Variants in KPNA5 observed in about 807,000 individuals in gnomAD.
The protein encoded by KPNA5 is karyopherin subunit alpha 5, also known as importin subunit alpha-6.
KPNA5 carries 46 observed loss-of-function variants against 71.3 expected under a neutral mutation model. The observed-to-expected ratio is 0.65, with a 90% CI of 0.51 to 0.83. KPNA5 has a LOEUF of 0.83. KPNA5 is among the 40% of genes least tolerant of loss of function. KPNA5 has a pLI of 0.00. For synonymous variants in KPNA5, 207 were observed against 201.4 expected, an observed-to-expected ratio of 1.03 and a Z score of -0.24; for missense variants, 547 against 628.3, an observed-to-expected ratio of 0.87 and a Z score of 1.38.
rs1419183000 is a variant in KPNA5 at position 116,740,938 on chromosome 6, T to C, written c.*8615T>C. Reference sequence around the variant, plus strand: ...GCAGCACACCAACATGGCACATGTATACATATGTAACTAACCTGCACATTG... The same window carrying C: ...GCAGCACACCAACATGGCACATGTACACATATGTAACTAACCTGCACATTG... On this transcript the variant is annotated 3_prime_UTR_variant, in exon 14 of 14. Transcript: ENST00000368564. 6.6e-6 allele frequency: 1 copy of C among 151,980 alleles called. No individual in the cohort carries two copies. Among genetic ancestry groups the C allele is most frequent in the African/African-American group, 2.4e-5 (1 of 41,346 alleles). 9.4% of individuals were successfully genotyped at this position (151,980 alleles called of 1,614,324 possible).
Position 116,729,641 on chromosome 6 carries a change from T to A in KPNA5, c.1332T>A (p.Ala444=), listed in dbSNP as rs1450259500. ...TVMDSKIVQV[A]LNGLENILRL... ...TGGACTCCAAAATAGTCCAAGTGGC[T>A]TTAAATGGACTTGAAAATATTTTAC... The change falls in exon 13 of 14, where the codon GCT becomes GCA. Residue 444 remains alanine, a synonymous_variant. Coordinates refer to ENST00000368564, the MANE Select transcript of KPNA5 (RefSeq NM_001366306.2). 1 of 1,611,158 alleles carries A rather than the reference T, an allele frequency of 6.2e-7. No homozygotes were observed. The highest frequency in any genetic ancestry group is 1.1e-5 in the South Asian group (1 of 90,706).
chr6:116,715,440 A>G (rs1239317851), intron 7 of KPNA5, among the ~76,000 whole-genome samples: 1 of 152,182 alleles, frequency 6.6e-6, no homozygotes, highest in Non-Finnish European at 1.5e-5. Context: ...AGGAGCTGAG[A>G]AGAAAAATTC....
intron 1 of KPNA5, among the ~76,000 whole-genome samples, chr6:116,681,802 C>G (rs1777369838): frequency 6.6e-6 from 1 of 152,176 alleles, no homozygotes; most frequent in Non-Finnish European, 1.5e-5. Context: ...CCCTCCTCCA[C>G]CTGCGTGCAG....
At position 116,736,213 on chromosome 6, in the gene KPNA5, T is replaced by C; in HGVS notation, c.*3890T>C. 1 of 151,858 alleles carries C rather than the reference T, an allele frequency of 6.6e-6. No individual in the cohort carries two copies. The highest frequency in any genetic ancestry group is 1.9e-4 in the East Asian group (1 of 5,188). 9.4% of individuals were successfully genotyped at this position (151,858 alleles called of 1,614,324 possible). Reference sequence around the variant, plus strand: ...CATAAAATGGGATATTACTCAGTAATAAAATGAAATATGGATATATGGTAC... The same window carrying C: ...CATAAAATGGGATATTACTCAGTAACAAAATGAAATATGGATATATGGTAC... On this transcript the variant is annotated 3_prime_UTR_variant, in exon 14 of 14. Transcript: ENST00000368564.
In KPNA5 at chr6:116,724,903, G is replaced by A. The variant is rs550846500; in HGVS notation, c.999+528G>A. Among the ~76,000 whole-genome samples the A allele has an allele frequency of 4.2e-4, 64 of 152,286 alleles. 1 individual carries two copies. In the Middle Eastern group the frequency reaches 0.014, roughly 32 times the overall value. ...GCGTTAGACTTACAGGCATGAGCCA[G>A]TATGTCCAGCACAATCTTTCTTGAA... is the stretch of plus-strand genomic sequence containing the variant. On this transcript the variant is annotated intron_variant, in intron 10 of 13. Transcript: ENST00000368564.
At chr6:116,689,818 G>A (rs1043544103) in intron 2 of KPNA5, among the ~76,000 whole-genome samples, 14 of 152,156 alleles carry the variant, frequency 9.2e-5, no homozygotes, top group Admixed American at 5.2e-4. Flanking sequence ...ATTCTTGCCC[G>A]TAAGTAAATT....
At position 116,739,996 on chromosome 6, in the gene KPNA5, T is replaced by C. The variant is rs1460968893; in HGVS notation, c.*7673T>C. ...GGCAACAAAAGCCAAAATTGACAAA[T>C]GGGATGTAATTGAACTAAAGAGCTT... On this transcript the variant is annotated 3_prime_UTR_variant, in exon 14 of 14. Coordinates refer to ENST00000368564, the MANE Select transcript of KPNA5 (RefSeq NM_001366306.2). 1 of 151,954 alleles carries C rather than the reference T, an allele frequency of 6.6e-6. No individual in the cohort carries two copies. The highest frequency in any genetic ancestry group is 1.9e-4 in the East Asian group (1 of 5,196). 9.4% of individuals were successfully genotyped at this position (151,954 alleles called of 1,614,324 possible).
In KPNA5 at chr6:116,706,668, A is replaced by G. The variant is rs539801744; in HGVS notation, c.656+1508A>G. Among the ~76,000 whole-genome samples, 60 of 152,044 alleles carry G rather than the reference A, an allele frequency of 3.9e-4. No homozygotes were observed. In the South Asian group the frequency reaches 0.012, roughly 31 times the overall value. On this transcript the variant is annotated intron_variant, in intron 7 of 13. Transcript: ENST00000368564. ...CATGCCATTGCACTCCAGCCTGGGC[A>G]ACAAGAGCGAAACTCCATTTCAGAT...
In KPNA5 at chr6:116,732,861, G is replaced by A. The variant is rs1779547049; in HGVS notation, c.*538G>A. The A allele has an allele frequency of 6.6e-6, 1 of 151,770 alleles. No individual in the cohort carries two copies. Among genetic ancestry groups the A allele is most frequent in the Non-Finnish European group, 1.5e-5 (1 of 67,822 alleles). 9.4% of individuals were successfully genotyped at this position (151,770 alleles called of 1,614,324 possible). On this transcript the variant is annotated 3_prime_UTR_variant, in exon 14 of 14. Coordinates refer to ENST00000368564, the MANE Select transcript of KPNA5 (RefSeq NM_001366306.2). ...TACCTTAAATTATACATATCACTGT[G>A]CTGTAGGTTATACTTTGCAAAAAAT... is the stretch of plus-strand genomic sequence containing the variant.
intron 8 of KPNA5, 28 bp downstream of exon 8, chr6:116,716,346 A>G (rs1778887066): frequency 6.9e-7 from 1 of 1,447,740 alleles, no homozygotes. Context: ...AAATTAAAAT[A>G]TTTGTTTCCA....
intron 1 of KPNA5, among the ~76,000 whole-genome samples, chr6:116,684,051 T>TA (rs1031413651): frequency 2.0e-5 from 3 of 151,688 alleles, no homozygotes; most frequent in Non-Finnish European, 2.9e-5. Flanking sequence ...TAGCTGGGAT[T>TA]ACAGGCTTCT....
rs774252608 is a variant in KPNA5, at chr6:116,710,006, G to A, written c.656+4846G>A. Among the ~76,000 whole-genome samples, 42 of 152,152 alleles carry A rather than the reference G, an allele frequency of 2.8e-4. No individual in the cohort carries two copies. The South Asian group carries it at 3.5e-3, about 13-fold the overall frequency. On this transcript the variant is annotated intron_variant, in intron 7 of 13. Coordinates refer to ENST00000368564, the MANE Select transcript of KPNA5 (RefSeq NM_001366306.2). ...CATCTCCTAACCTCGTGATCCGCCC[G>A]CCTCGACCTCCCAAGGTGCTGGGAT...
At chr6:116,725,959 G>T (rs1779272505) in intron 11 of KPNA5, 83 bp downstream of exon 11, 2 of 1,462,502 alleles carry the variant, frequency 1.4e-6, no homozygotes, top group Non-Finnish European at 1.8e-6. Context: ...TACTAAAAAA[G>T]ATTCCTTTTT....
At chr6:116,686,057 A>G (rs577076316) in intron 1 of KPNA5, among the ~76,000 whole-genome samples, 45 of 152,116 alleles carry the variant, frequency 3.0e-4, no homozygotes, top group Admixed American at 5.9e-4. Flanking sequence ...GTCACGTGCC[A>G]CCATGCCTGG....
Position 116,716,955 on chromosome 6 carries a change from T to C in KPNA5, c.756+637T>C, listed in dbSNP as rs693438. 6.6e-3 allele frequency among the ~76,000 whole-genome samples: 1,002 copies of C among 152,212 alleles called. 12 individuals carry two copies. The highest frequency in any genetic ancestry group is 0.022 in the African/African-American group (907 of 41,526). ...TAATTCACAAAGGTAATGCATGAACTAGTATGCCTTCTCATTTTTACTTTT... is the reference window on the plus strand; with the variant it reads ...TAATTCACAAAGGTAATGCATGAACCAGTATGCCTTCTCATTTTTACTTTT... On this transcript the variant is annotated intron_variant, in intron 8 of 13. Coordinates refer to ENST00000368564, the MANE Select transcript of KPNA5 (RefSeq NM_001366306.2).
intron 1 of KPNA5, among the ~76,000 whole-genome samples, chr6:116,681,736 AG>A: frequency 6.6e-6 from 1 of 152,218 alleles, no homozygotes; most frequent in South Asian, 2.1e-4. Context: ...TGTCCAAAGA[AG>A]AGACAGGTTC....
In KPNA5 at chr6:116,681,292, C is replaced by T. The variant is rs1447673042; in HGVS notation, c.-43C>T. The T allele has an allele frequency of 2.5e-6, 4 of 1,610,016 alleles. No individual in the cohort carries two copies. The highest frequency in any genetic ancestry group is 2.7e-5 in the African/African-American group (2 of 74,704). On this transcript the variant is annotated 5_prime_UTR_variant, in exon 1 of 14. Transcript: ENST00000368564. Reference sequence around the variant, plus strand: ...TTCTGTTACCCGCCACACACGTCGCCGCTGGGGACTGGGAAATCAGGGCAT... The same window carrying T: ...TTCTGTTACCCGCCACACACGTCGCTGCTGGGGACTGGGAAATCAGGGCAT...
rs763211200 is a variant in KPNA5, at chr6:116,712,814, T to C, written c.657-3405T>C. ...ACTTTTTTTTTAAAATAATTTATAC[T>C]ATTGATTCCTTTCTTGTTTCCTTTC... On this transcript the variant is annotated intron_variant, in intron 7 of 13. Transcript: ENST00000368564. 2.0e-5 allele frequency among the ~76,000 whole-genome samples: 3 copies of C among 152,258 alleles called. No individual in the cohort carries two copies. The South Asian group carries it at 6.2e-4, about 32-fold the overall frequency.
rs1779551759 is a variant in KPNA5, at chr6:116,733,014, A to G, written c.*691A>G. The G allele has an allele frequency of 6.6e-6, 1 of 151,892 alleles. No individual in the cohort carries two copies. Among genetic ancestry groups the G allele is most frequent in the Admixed American group, 6.6e-5 (1 of 15,210 alleles). 9.4% of individuals were successfully genotyped at this position (151,892 alleles called of 1,614,324 possible). A position where few individuals can be genotyped will look rare whatever the true frequency, so the allele number is the denominator to read the frequency against. On this transcript the variant is annotated 3_prime_UTR_variant, in exon 14 of 14. Transcript: ENST00000368564. Reference sequence around the variant, plus strand: ...TTGAACACATTAAAAAGATTACTTTATAAAATGTTTAAATATTTCTGTTTT... The same window carrying G: ...TTGAACACATTAAAAAGATTACTTTGTAAAATGTTTAAATATTTCTGTTTT...
Sources: gnomAD v4.1 joint callset for allele counts (sites outside exome capture counted in the v4.1 genomes callset) on GRCh38, gnomAD v4.1.1 for gene constraint, MANE v1.5 for transcripts, NCBI Gene and HGNC (gene_info 2026-07-23, HGNC 2026-07-21) for gene names.